Variants in PDE1C observed in about 807,000 individuals in gnomAD.
PDE1C encodes dual specificity calcium/calmodulin-dependent 3',5'-cyclic nucleotide phosphodiesterase 1C.
Under a neutral mutation model 93.1 loss-of-function variants are expected in PDE1C, and 62 were observed. That is an observed-to-expected ratio of 0.67 (90% confidence interval 0.54 to 0.82). The LOEUF is 0.82. Among genes scored for constraint, PDE1C ranks in the 40% least tolerant of loss-of-function variants. The pLI, the probability that PDE1C is intolerant of heterozygous loss-of-function variation, is 0.00. For missense variants in PDE1C, 742 were observed against 884.6 expected (o/e 0.84, Z 2.04); for synonymous variants, 325 against 310.1 (o/e 1.05, Z -0.50).
At chr7:31,951,076 C>G (rs2058547) in intron 2 of PDE1C, among the ~76,000 whole-genome samples, 1 of 151,880 alleles carries the variant, frequency 6.6e-6, no homozygotes, top group South Asian at 2.1e-4. Flanking sequence ...TTTTCTCTTG[C>G]GTGTACATAT....
At chr7:31,988,046 A>G (rs1020307038) in intron 2 of PDE1C, among the ~76,000 whole-genome samples, 2 of 152,182 alleles carry the variant, frequency 1.3e-5, no homozygotes, top group African/African-American at 4.8e-5. Context: ...TAGATGAGGC[A>G]CTTGTGGACC....
At chr7:32,188,212 A>AT (rs1202965866) in intron 2 of PDE1C, among the ~76,000 whole-genome samples, 2 of 2,058 alleles carry the variant, frequency 9.7e-4, no homozygotes, top group Admixed American at 0.018. Context: ...TATATATGAA[A>AT]TTGGGGGGGG....
chr7:31,787,133 T>G (rs1009641663), intron 16 of PDE1C: 3 of 152,186 alleles, frequency 2.0e-5, no homozygotes, highest in Non-Finnish European at 4.4e-5. Flanking sequence ...ACTTTACACT[T>G]TTGTATCTAA....
At chr7:32,141,315 C>T (rs945398261) in intron 3 of PDE1C, among the ~76,000 whole-genome samples, 1 of 152,124 alleles carries the variant, frequency 6.6e-6, no homozygotes, top group African/African-American at 2.4e-5. Flanking sequence ...TGCACCCCAG[C>T]CTGGACAACA....
chr7:32,217,092 A>C (rs958647638), intron 1 of PDE1C, among the ~76,000 whole-genome samples: 1 of 152,232 alleles, frequency 6.6e-6, no homozygotes, highest in Non-Finnish European at 1.5e-5. Flanking sequence ...CTACTGACAA[A>C]GGGAGGAGCT....
At chr7:32,320,643 A>T (rs1258879419) in intron 1 of PDE1C, among the ~76,000 whole-genome samples, 1 of 152,098 alleles carries the variant, frequency 6.6e-6, no homozygotes, top group Non-Finnish European at 1.5e-5. Flanking sequence ...ACACACACAC[A>T]CACACTTCCA....
chr7:32,282,804 T>G (rs1429330389), intron 1 of PDE1C, among the ~76,000 whole-genome samples: 1 of 151,990 alleles, frequency 6.6e-6, no homozygotes, highest in African/African-American at 2.4e-5. Context: ...ATGGTCTCGA[T>G]CTCCTAACCT....
chr7:32,060,076 G>A (rs1169209832), intron 1 of PDE1C, among the ~76,000 whole-genome samples: 1 of 152,160 alleles, frequency 6.6e-6, no homozygotes, highest in Admixed American at 6.5e-5. Flanking sequence ...AAATCCAAAG[G>A]ATTAAGACAA....
intron 1 of PDE1C, among the ~76,000 whole-genome samples, chr7:32,247,834 C>A (rs753035268): frequency 2.0e-5 from 3 of 152,102 alleles, no homozygotes; most frequent in Non-Finnish European, 4.4e-5. Context: ...TTTCAACTTA[C>A]AATGGTTTTA....
intron 3 of PDE1C, among the ~76,000 whole-genome samples, chr7:32,131,924 ATAG>A (rs749678697): frequency 7.9e-5 from 12 of 152,068 alleles, no homozygotes; most frequent in Non-Finnish European, 1.0e-4. Context: ...AATAGTGGTA[ATAG>A]TAGTAGTAGT....
At chr7:32,248,672 C>G (rs1486019847) in intron 1 of PDE1C, among the ~76,000 whole-genome samples, 4 of 152,198 alleles carry the variant, frequency 2.6e-5, no homozygotes, top group Non-Finnish European at 5.9e-5. Context: ...CTGCAAAGAA[C>G]CATTATTATC....
At chr7:32,317,069 G>A (rs1175030580) in intron 1 of PDE1C, among the ~76,000 whole-genome samples, 6 of 152,304 alleles carry the variant, frequency 3.9e-5, no homozygotes, top group Middle Eastern at 6.8e-3. Flanking sequence ...CTCCAAATGC[G>A]TGACAACTGA....
At chr7:31,789,956 C>T in intron 16 of PDE1C, 1 of 1,211,758 alleles carries the variant, frequency 8.3e-7, no homozygotes, top group Non-Finnish European at 1.0e-6. Flanking sequence ...TTGAGGATGC[C>T]CCTTCATGTT....
intron 17 of PDE1C, among the ~76,000 whole-genome samples, chr7:31,765,865 GA>G (rs1183063866): frequency 6.6e-6 from 1 of 152,190 alleles, no homozygotes; most frequent in African/African-American, 2.4e-5. Context: ...GGACTATTTA[GA>G]ATCAGTCTTT....
the PDE1C span, among the ~76,000 whole-genome samples, chr7:31,671,724 C>CA: frequency 3.3e-5 from 5 of 152,164 alleles, no homozygotes; most frequent in African/African-American, 1.2e-4. Context: ...TCCACATAGC[C>CA]ACAAGACACT....
chr7:32,234,239 G>T (rs2128864574), intron 1 of PDE1C, among the ~76,000 whole-genome samples: 1 of 151,820 alleles, frequency 6.6e-6, no homozygotes, highest in South Asian at 2.1e-4. Flanking sequence ...ACTAGAAAAA[G>T]AAAAGAAAAT....
intron 17 of PDE1C, among the ~76,000 whole-genome samples, chr7:31,765,853 G>A (rs975812876): frequency 4.6e-5 from 7 of 152,182 alleles, no homozygotes; most frequent in African/African-American, 1.7e-4. Context: ...TGGTTACAGT[G>A]AGGACTATTT....
intron 3 of PDE1C, among the ~76,000 whole-genome samples, chr7:32,117,032 T>C (rs189228136): frequency 1.3e-5 from 2 of 152,294 alleles, no homozygotes; most frequent in African/African-American, 4.8e-5. Flanking sequence ...GTGAAAAATC[T>C]CTACCTCTTG....
At chr7:31,721,415 G>A in the PDE1C span, among the ~76,000 whole-genome samples, 1 of 152,158 alleles carries the variant, frequency 6.6e-6, no homozygotes, top group Non-Finnish European at 1.5e-5. Context: ...TGTGGCTAGT[G>A]AGACCAAGGA....
Sources: allele counts gnomAD v4.1 joint callset (sites outside exome capture counted in the v4.1 genomes callset), GRCh38; gene constraint gnomAD v4.1.1; transcripts MANE v1.5; gene names NCBI Gene and HGNC (gene_info 2026-07-23, HGNC 2026-07-21).